HEBP2: variants seen among roughly 807,000 people sequenced by gnomAD.
HEBP2 encodes the protein heme-binding protein 2.
Under a neutral mutation model 23.1 loss-of-function variants are expected in HEBP2, and 27 were observed. The observed-to-expected ratio is 1.17, with a 90% CI of 0.86 to 1.61. HEBP2 has a LOEUF of 1.61. Ranked by LOEUF, HEBP2 falls within the 40% of genes most tolerant of loss-of-function variation. The pLI is 0.00. For missense variants in HEBP2, 245 were observed against 253.8 expected (o/e 0.97, Z 0.24); for synonymous variants, 99 against 95.1 (o/e 1.04, Z -0.24).
intron 3 of HEBP2, among the ~76,000 whole-genome samples, chr6:138,407,716 C>T (rs1294059947): frequency 3.3e-5 from 5 of 152,218 alleles, no homozygotes; most frequent in Non-Finnish European, 5.9e-5. Context: ...GGTCACATAC[C>T]CAAGGCCCTG....
At position 138,422,147 on chromosome 6, in the gene HEBP2, T is replaced by A. The variant is rs1235756125; in HGVS notation, c.*9069T>A. ...TTTTATAATTAGTGTTATGTTGCTT[T>A]ATCTTATCTTTGCATAAATTATGTA... On this transcript the variant is annotated 3_prime_UTR_variant, in exon 4 of 4. Transcript: ENST00000607197. 1 of 152,260 alleles carries A rather than the reference T, an allele frequency of 6.6e-6. No individual in the cohort carries two copies. The highest frequency in any genetic ancestry group is 1.5e-5 in the Non-Finnish European group (1 of 68,050). 9.4% of individuals were successfully genotyped at this position (152,260 alleles called of 1,614,324 possible).
At chr6:138,406,732 T>A (rs1774651593) in intron 3 of HEBP2, among the ~76,000 whole-genome samples, 1 of 152,222 alleles carries the variant, frequency 6.6e-6, no homozygotes, top group East Asian at 1.9e-4. Context: ...CTCCTAATAC[T>A]ATCACATTAG....
chr6:138,410,107 G>C (rs892000667), intron 3 of HEBP2, among the ~76,000 whole-genome samples: 4 of 152,120 alleles, frequency 2.6e-5, no homozygotes, highest in Non-Finnish European at 2.9e-5. Flanking sequence ...CACCTAGCTA[G>C]GTACTCTGTC....
chr6:138,409,249 C>T (rs1341980097), intron 3 of HEBP2, among the ~76,000 whole-genome samples: 3 of 152,144 alleles, frequency 2.0e-5, no homozygotes, highest in African/African-American at 7.2e-5. Context: ...CTCCTGGGCT[C>T]AAGCAGTCTA....
intron 3 of HEBP2, chr6:138,412,137 C>T (rs952951280): frequency 1.4e-5 from 6 of 425,694 alleles, no homozygotes; most frequent in Non-Finnish European, 2.3e-5. Flanking sequence ...AAAGGGGCTT[C>T]TACAGGGGTG....
At position 138,404,537 on chromosome 6, in the gene HEBP2, C is replaced by T; in HGVS notation, c.42C>T (p.Asp14=). 3 of 1,313,674 alleles carry T rather than the reference C, an allele frequency of 2.3e-6. No individual in the cohort carries two copies. The highest frequency in any genetic ancestry group is 2.9e-6 in the Non-Finnish European group (3 of 1,031,100). The allele number at this position is 1,313,674 out of a possible 1,614,324, so 81.4% of individuals were successfully genotyped here. ...PLQPDPGAAE[D]AAAQAVETPG... The stretch of plus-strand genomic sequence containing the variant: ...AGCCAGACCCCGGGGCGGCCGAGGA[C>T]GCGGCGGCCCAAGCTGTGGAGACGC... The change falls in exon 1 of 4, where the codon GAC becomes GAT. Residue 14 remains aspartate, a synonymous_variant. Transcript: ENST00000607197.
chr6:138,405,058 C>T, intron 1 of HEBP2, 87 bp from the exon 2 acceptor site: 1 of 1,460,794 alleles, frequency 6.8e-7, no homozygotes. Flanking sequence ...GGCTCCAGGT[C>T]GACCCGAGAT....
chr6:138,407,774 T>C (rs1189634147), intron 3 of HEBP2, among the ~76,000 whole-genome samples: 2 of 152,204 alleles, frequency 1.3e-5, no homozygotes, highest in African/African-American at 4.8e-5. Flanking sequence ...CCACAGCTCA[T>C]GTACTGACAG....
At position 138,413,021 on chromosome 6, in the gene HEBP2, T is replaced by C. The variant is rs144913828; in HGVS notation, c.561T>C (p.Asn187=). The change falls in exon 4 of 4, where the codon AAT becomes AAC. Residue 187 remains asparagine (N), a synonymous_variant. Transcript: ENST00000607197. The part of the protein sequence containing the change: ...AGYNSPVKLL[N]RNNEVWLIQK... ...ACAACAGTCCTGTCAAATTGCTTAATAGAAATAATGAAGTGTGGTTGATTC... is the reference window on the plus strand; with the variant it reads ...ACAACAGTCCTGTCAAATTGCTTAACAGAAATAATGAAGTGTGGTTGATTC... 6.2e-7 allele frequency: 1 copy of C among 1,614,036 alleles called. No individual in the cohort carries two copies. The highest frequency in any genetic ancestry group is 1.3e-5 in the African/African-American group (1 of 75,056).
In HEBP2 at chr6:138,412,934, A is replaced by G. The variant is rs779676720; in HGVS notation, c.474A>G (p.Leu158=). ...AQKNQEQLLT[L]ASILREDGKV... ...AGAATCAAGAACAACTTTTGACATTAGCAAGCATTTTAAGGGAAGATGGAA... is the reference window on the plus strand; with the variant it reads ...AGAATCAAGAACAACTTTTGACATTGGCAAGCATTTTAAGGGAAGATGGAA... The change falls in exon 4 of 4, where the codon TTA becomes TTG. Residue 158 remains leucine (L), a synonymous_variant. Transcript: ENST00000607197. 6.2e-7 allele frequency: 1 copy of G among 1,614,206 alleles called. No homozygotes were observed. The highest frequency in any genetic ancestry group is 1.3e-5 in the African/African-American group (1 of 75,074).
rs1389919507 is a variant in HEBP2, at chr6:138,413,152, A to G, written c.*74A>G. On this transcript the variant is annotated 3_prime_UTR_variant, in exon 4 of 4. Coordinates refer to ENST00000607197, the MANE Select transcript of HEBP2 (RefSeq NM_014320.3). Reference sequence around the variant, plus strand: ...ATAGACATCAACATGACCTATAAGTAAAGTGCGTGTCTAGTGTCTTCTATT... The same window carrying G: ...ATAGACATCAACATGACCTATAAGTGAAGTGCGTGTCTAGTGTCTTCTATT... The G allele has an allele frequency of 1.8e-6, 2 of 1,130,036 alleles. No individual in the cohort carries two copies. The highest frequency in any genetic ancestry group is 3.1e-5 in the African/African-American group (2 of 64,674). 70.0% of individuals were successfully genotyped at this position (1,130,036 alleles called of 1,614,324 possible).
upstream of HEBP2, chr6:138,403,599 G>A: frequency 2.2e-6 from 1 of 459,346 alleles, no homozygotes; most frequent in Non-Finnish European, 3.9e-6. Flanking sequence ...AGCCGTGCCG[G>A]GTCCCCGCCG....
At chr6:138,411,907 C>T (rs1207279698) in intron 3 of HEBP2, among the ~76,000 whole-genome samples, 1 of 152,118 alleles carries the variant, frequency 6.6e-6, no homozygotes, top group Non-Finnish European at 1.5e-5. Flanking sequence ...CACCATATTC[C>T]AGCCTGGGCA....
At chr6:138,408,747 T>C (rs905229042) in intron 3 of HEBP2, among the ~76,000 whole-genome samples, 1 of 152,120 alleles carries the variant, frequency 6.6e-6, no homozygotes, top group African/African-American at 2.4e-5. Context: ...CTCAGCTCCC[T>C]ACCCTAGGAT....
intron 3 of HEBP2, among the ~76,000 whole-genome samples, chr6:138,408,512 C>T (rs905441325): frequency 6.6e-6 from 1 of 152,016 alleles, no homozygotes; most frequent in East Asian, 1.9e-4. Flanking sequence ...GCCTTTACCG[C>T]AAATCACCAT....
rs567571540 is a variant in HEBP2, at chr6:138,414,830, G to A, written c.*1752G>A. The A allele has an allele frequency of 6.6e-6, 1 of 152,270 alleles. No homozygotes were observed. Among genetic ancestry groups the A allele is most frequent in the Non-Finnish European group, 1.5e-5 (1 of 68,100 alleles). The allele number at this position is 152,270 out of a possible 1,614,324, so 9.4% of individuals were successfully genotyped here. A position where few individuals can be genotyped will look rare whatever the true frequency, so the allele number is the denominator to read the frequency against. Reference sequence around the variant, plus strand: ...TTCCAGCACTTTGGGAGGCTAAGGTGGGAGGATTGCTTGAGCCCAGAAGTT... The same window carrying A: ...TTCCAGCACTTTGGGAGGCTAAGGTAGGAGGATTGCTTGAGCCCAGAAGTT... On this transcript the variant is annotated 3_prime_UTR_variant, in exon 4 of 4. Transcript: ENST00000607197.
chr6:138,409,737 G>A (rs185902816), intron 3 of HEBP2, among the ~76,000 whole-genome samples: 11 of 152,272 alleles, frequency 7.2e-5, no homozygotes, highest in Non-Finnish European at 1.5e-4. Flanking sequence ...TTCACACGGT[G>A]CACAGTGCCA....
rs1410865161 is a variant in HEBP2, at chr6:138,404,442, G to A, written c.-54G>A. ...CGCGCACACGCAGGCGGGGCGGCCC[G>A]GGGTGCGGGGCCTCTGCGCGGCTGA... On this transcript the variant is annotated 5_prime_UTR_variant, in exon 1 of 4. Coordinates refer to ENST00000607197, the MANE Select transcript of HEBP2 (RefSeq NM_014320.3). 3.5e-6 allele frequency: 4 copies of A among 1,154,308 alleles called. No individual in the cohort carries two copies. In the African/African-American group the frequency reaches 4.8e-5, roughly 14 times the overall value. The allele number at this position is 1,154,308 out of a possible 1,614,324, so 71.5% of individuals were successfully genotyped here. A position where few individuals can be genotyped will look rare whatever the true frequency, so the allele number is the denominator to read the frequency against.
chr6:138,407,286 T>C (rs1459458178), intron 3 of HEBP2, among the ~76,000 whole-genome samples: 2 of 151,588 alleles, frequency 1.3e-5, no homozygotes, highest in East Asian at 1.9e-4. Context: ...ATCAAACATA[T>C]TATATGCTTC....
Sources: gnomAD v4.1 joint callset for allele counts (sites outside exome capture counted in the v4.1 genomes callset) on GRCh38, gnomAD v4.1.1 for gene constraint, MANE v1.5 for transcripts, NCBI Gene and HGNC (gene_info 2026-07-23, HGNC 2026-07-21) for gene names.